The following HACD2 variants were observed in gnomAD, a reference collection of about 807,000 sequenced individuals.
HACD2 encodes the protein 3-hydroxyacyl-CoA dehydratase 2.
Under a neutral mutation model 31.0 loss-of-function variants are expected in HACD2, and 15 were observed. The ratio of observed to expected loss-of-function variants is 0.48; its 90% CI spans 0.32 to 0.75. The LOEUF is 0.75. HACD2 is among the 30% of genes least tolerant of loss of function. The probability of loss-of-function intolerance (pLI) is 0.03; values close to 1 mark genes in which losing one functional copy is unlikely to be tolerated. For missense variants in HACD2, 283 were observed against 313.0 expected, an observed-to-expected ratio of 0.90 and a Z score of 0.72; for synonymous variants, 115 against 122.2, an observed-to-expected ratio of 0.94 and a Z score of 0.39.
At chr3:123,576,239 A>ATTTT (rs1272623677) in intron 2 of HACD2, among the ~76,000 whole-genome samples, 1 of 131,928 alleles carries the variant, frequency 7.6e-6, no homozygotes, top group East Asian at 2.4e-4. Flanking sequence ...CACCATTGAT[A>ATTTT]TTTTTAGTTC....
chr3:123,570,917 T>TACACACACACAC (rs149856963), intron 2 of HACD2, among the ~76,000 whole-genome samples: 4,859 of 144,780 alleles, frequency 0.034, 204 homozygotes, highest in East Asian at 0.088. Context: ...TTCATACCAT[T>TACACACACACAC]ACACACACAC....
rs751748699 is a variant in HACD2 at position 123,500,624 on chromosome 3, C to T, written c.573G>A (p.Leu191=). 6.2e-6 allele frequency: 10 copies of T among 1,613,148 alleles called. No homozygotes were observed. Among genetic ancestry groups the T allele is most frequent in the Non-Finnish European group, 6.8e-6 (8 of 1,179,320 alleles). ...SGELLTIYAA[L]PFVRQAGLYS... The stretch of plus-strand genomic sequence containing the variant: ...ATAGGCCAGCTTGTCTGACAAAGGG[C>T]AGAGCTGCATATATTGTGAGCAGTT... The change falls in exon 6 of 7, where the codon CTG becomes CTA. Residue 191 remains leucine, a synonymous_variant. Transcript: ENST00000383657.
chr3:123,532,731 G>A (rs2107711327), intron 3 of HACD2, among the ~76,000 whole-genome samples: 1 of 151,746 alleles, frequency 6.6e-6, no homozygotes, highest in South Asian at 2.1e-4. Context: ...AGCTACTCGG[G>A]AGGCTGAGGC....
intron 4 of HACD2, among the ~76,000 whole-genome samples, chr3:123,517,643 G>A (rs1250113721): frequency 1.3e-5 from 2 of 152,118 alleles, no homozygotes; most frequent in Non-Finnish European, 2.9e-5. Context: ...GTATCCCAAT[G>A]TGCCCACCCA....
intron 3 of HACD2, among the ~76,000 whole-genome samples, chr3:123,545,548 TAAAA>T (rs375205125): frequency 8.2e-6 from 1 of 121,832 alleles, no homozygotes; most frequent in Non-Finnish European, 1.7e-5. Flanking sequence ...CTTTTTACTT[TAAAA>T]AAAAAAAAAA....
chr3:123,537,305 C>G (rs1220782074), intron 3 of HACD2, among the ~76,000 whole-genome samples: 2 of 152,130 alleles, frequency 1.3e-5, no homozygotes, highest in African/African-American at 4.8e-5. Flanking sequence ...TGTTGCCAGG[C>G]ATGGCAATCC....
intron 2 of HACD2, among the ~76,000 whole-genome samples, chr3:123,580,712 G>A (rs2056956450): frequency 2.0e-5 from 3 of 150,136 alleles, no homozygotes; most frequent in African/African-American, 7.4e-5. Context: ...GGTCCCAGGA[G>A]TTCAAGGCTG....
intron 3 of HACD2, among the ~76,000 whole-genome samples, chr3:123,531,991 T>C (rs997308800): frequency 7.2e-5 from 11 of 152,178 alleles, no homozygotes; most frequent in Admixed American, 2.0e-4. Flanking sequence ...GTAGAAGTAC[T>C]AGGTCAAATG....
Position 123,538,858 on chromosome 3 carries a change from G to A in HACD2, c.293-10384C>T, listed in dbSNP as rs746213007. Among the ~76,000 whole-genome samples the A allele has an allele frequency of 2.0e-5, 3 of 152,234 alleles. No individual in the cohort carries two copies. In the Middle Eastern group the frequency reaches 0.01, roughly 518 times the overall value. ...TGTAATTTTAATATAGTTCCTAAAT[G>A]AGAGCCAATTATATCATATGGCATT... On this transcript the variant is annotated intron_variant, in intron 3 of 6. Coordinates refer to ENST00000383657, the MANE Select transcript of HACD2 (RefSeq NM_198402.5).
chr3:123,518,739 G>A (rs2056176241), intron 4 of HACD2, among the ~76,000 whole-genome samples: 3 of 152,156 alleles, frequency 2.0e-5, no homozygotes, highest in Admixed American at 2.0e-4. Context: ...GCTCATGCCT[G>A]TAATCCCAGC....
intron 5 of HACD2, among the ~76,000 whole-genome samples, chr3:123,501,866 T>C (rs1377326905): frequency 6.6e-6 from 1 of 152,214 alleles, no homozygotes; most frequent in African/African-American, 2.4e-5. Flanking sequence ...ACTGAACTCA[T>C]AAACACTCTA....
intron 3 of HACD2, among the ~76,000 whole-genome samples, chr3:123,542,857 A>C (rs1443308159): frequency 6.6e-6 from 1 of 152,274 alleles, no homozygotes; most frequent in African/African-American, 2.4e-5. Context: ...AAGATGCTCC[A>C]ACTGGCCAAG....
At chr3:123,583,712 T>C (rs1244707466) in intron 1 of HACD2, among the ~76,000 whole-genome samples, 2 of 152,184 alleles carry the variant, frequency 1.3e-5, no homozygotes, top group Non-Finnish European at 2.9e-5. Context: ...TATTGGCATT[T>C]GTCTTATTTT....
chr3:123,522,277 A>G (rs2056224810), intron 4 of HACD2, among the ~76,000 whole-genome samples: 1 of 149,582 alleles, frequency 6.7e-6, no homozygotes, highest in African/African-American at 2.5e-5. Flanking sequence ...TGACTGTGTC[A>G]CTGCACTCCA....
chr3:123,558,273 G>A (rs1255903001), intron 3 of HACD2, among the ~76,000 whole-genome samples: 1 of 152,196 alleles, frequency 6.6e-6, no homozygotes, highest in Non-Finnish European at 1.5e-5. Context: ...AACAGGTAGA[G>A]TACAGAAGAT....
At chr3:123,577,736 A>G (rs534301878) in intron 2 of HACD2, among the ~76,000 whole-genome samples, 1 of 152,308 alleles carries the variant, frequency 6.6e-6, no homozygotes, top group African/African-American at 2.4e-5. Flanking sequence ...TAACTGCATT[A>G]GTCCACTAAT....
intron 4 of HACD2, among the ~76,000 whole-genome samples, chr3:123,518,368 T>C (rs9809262): frequency 0.034 from 5,218 of 152,330 alleles, 91 homozygotes; most frequent in Middle Eastern, 0.088. Context: ...TGAGATGGCA[T>C]GCACCCTCCA....
chr3:123,542,750 G>T (rs1213467117), intron 3 of HACD2, among the ~76,000 whole-genome samples: 2 of 152,184 alleles, frequency 1.3e-5, no homozygotes, highest in South Asian at 2.1e-4. Context: ...AAGTATTAGT[G>T]AATACAAGAT....
chr3:123,501,786 T>C (rs935814465), intron 5 of HACD2, among the ~76,000 whole-genome samples: 1 of 152,100 alleles, frequency 6.6e-6, no homozygotes, highest in South Asian at 2.1e-4. Context: ...ATGAGAAAAA[T>C]AATAAAATAA....
Sources: gnomAD v4.1 joint callset for allele counts (sites outside exome capture counted in the v4.1 genomes callset) on GRCh38, gnomAD v4.1.1 for gene constraint, MANE v1.5 for transcripts, NCBI Gene and HGNC (gene_info 2026-07-23, HGNC 2026-07-21) for gene names.